GNAI3: variants seen among roughly 807,000 people sequenced by gnomAD.
The protein encoded by GNAI3 is G protein subunit alpha i3, also known as guanine nucleotide-binding protein G(i) subunit alpha-3.
GNAI3 carries 12 observed loss-of-function variants against 41.8 expected under a neutral mutation model. That is an observed-to-expected ratio of 0.29 (90% confidence interval 0.18 to 0.47). The LOEUF is 0.47. GNAI3 is among the 20% of genes least tolerant of loss of function. GNAI3 has a pLI of 1.00. For synonymous variants in GNAI3, 132 were observed against 146.5 expected (o/e 0.90, Z 0.71); for missense variants, 360 against 429.6 (o/e 0.84, Z 1.43).
At chr1:109,581,205 G>T (rs1438401654) in intron 4 of GNAI3, among the ~76,000 whole-genome samples, 1 of 151,812 alleles carries the variant, frequency 6.6e-6, no homozygotes, top group African/African-American at 2.4e-5. Flanking sequence ...ATACAGTTTT[G>T]AAGCAGTCTT....
At chr1:109,580,913 CAG>C (rs925367196) in intron 4 of GNAI3, among the ~76,000 whole-genome samples, 1 of 152,200 alleles carries the variant, frequency 6.6e-6, no homozygotes, top group Non-Finnish European at 1.5e-5. Flanking sequence ...AGAAACGTTT[CAG>C]GATTCTTGCC....
chr1:109,581,844 G>C (rs752753992), intron 4 of GNAI3, among the ~76,000 whole-genome samples: 32 of 152,014 alleles, frequency 2.1e-4, no homozygotes, highest in African/African-American at 7.7e-4. Flanking sequence ...AGCCGAGTTC[G>C]CACCACTGCA....
intron 1 of GNAI3, among the ~76,000 whole-genome samples, chr1:109,560,705 T>G (rs1352773514): frequency 6.6e-6 from 1 of 152,182 alleles, no homozygotes; most frequent in Non-Finnish European, 1.5e-5. Context: ...CATGCACCAC[T>G]ATGCTAGGCT....
chr1:109,549,762 C>T (rs1647933475), intron 1 of GNAI3, among the ~76,000 whole-genome samples: 1 of 152,186 alleles, frequency 6.6e-6, no homozygotes, highest in African/African-American at 2.4e-5. Context: ...TTTTTGGCCT[C>T]TTCAAAGCAA....
intron 6 of GNAI3, 116 bp downstream of exon 6, chr1:109,586,461 A>AT: frequency 1.9e-6 from 2 of 1,058,694 alleles, no homozygotes; most frequent in African/African-American, 1.6e-5. Flanking sequence ...AGTATCTTTA[A>AT]TTTTTTTGAT....
chr1:109,568,839 T>C (rs1405414660), intron 1 of GNAI3, among the ~76,000 whole-genome samples: 1 of 148,134 alleles, frequency 6.8e-6, no homozygotes, highest in African/African-American at 2.6e-5. Context: ...CCCAGCTAAT[T>C]TTTTGTGTTA....
chr1:109,553,953 G>A (rs1176187012), intron 1 of GNAI3, among the ~76,000 whole-genome samples: 1 of 152,142 alleles, frequency 6.6e-6, no homozygotes, highest in Admixed American at 6.5e-5. Context: ...GAGAACGTAC[G>A]ATGTTTGGTT....
chr1:109,548,857 G>T lies in GNAI3; in HGVS notation c.118+19G>T. ...CTACTCGGTGAGGGGCTGGAGGCGG[G>T]GACTGAGTGGTGGTCGGGAGAGCCT... On this transcript the variant is annotated intron_variant, in intron 1 of 8. Coordinates refer to ENST00000369851, the MANE Select transcript of GNAI3 (RefSeq NM_006496.4). 6.7e-7 allele frequency: 1 copy of T among 1,494,492 alleles called. No individual in the cohort carries two copies. The highest frequency in any genetic ancestry group is 9.3e-7 in the Non-Finnish European group (1 of 1,074,206). 92.6% of individuals were successfully genotyped at this position (1,494,492 alleles called of 1,614,324 possible).
At chr1:109,548,949 G>T in intron 1 of GNAI3, 111 bp downstream of exon 1, 1 of 676,298 alleles carries the variant, frequency 1.5e-6, no homozygotes, top group East Asian at 2.8e-5. Flanking sequence ...GGATCTGGAG[G>T]GCGTGCCGGG....
In GNAI3 at chr1:109,598,258, T is replaced by TGCTC. The variant is rs1162775044; in HGVS notation, c.*5937_*5940dup. On this transcript the variant is annotated 3_prime_UTR_variant, in exon 9 of 9. Transcript: ENST00000369851. ...AGAAATCACCTGTTCTGTTTATTCT[T>TGCTC]GCTCATGTAGGATAAAGGTCCTGAG... 3 of 152,248 alleles carry TGCTC rather than the reference T, an allele frequency of 2.0e-5. No individual in the cohort carries two copies. Among genetic ancestry groups the TGCTC allele is most frequent in the Non-Finnish European group, 4.4e-5 (3 of 68,048 alleles). The allele number at this position is 152,248 out of a possible 1,614,324, so 9.4% of individuals were successfully genotyped here. A position where few individuals can be genotyped will look rare whatever the true frequency, so the allele number is the denominator to read the frequency against.
intron 1 of GNAI3, among the ~76,000 whole-genome samples, chr1:109,571,336 A>C (rs115394162): frequency 0.024 from 3,583 of 152,336 alleles, 58 homozygotes; most frequent in Non-Finnish European, 0.033. Flanking sequence ...AAGATTAGAG[A>C]TCTAAATTTG....
chr1:109,598,757 C>G lies in GNAI3; in HGVS notation c.*6435C>G. On this transcript the variant is annotated 3_prime_UTR_variant, in exon 9 of 9. Transcript: ENST00000369851. Reference sequence around the variant, plus strand: ...TTCATGGCAAAAAGACAGAAAAGTTCCCTTCTGCAGTCTCCAGTGTCTTCT... The same window carrying G: ...TTCATGGCAAAAAGACAGAAAAGTTGCCTTCTGCAGTCTCCAGTGTCTTCT... 3.0e-6 allele frequency: 1 copy of G among 337,304 alleles called. No individual in the cohort carries two copies. Among genetic ancestry groups the G allele is most frequent in the South Asian group, 2.5e-5 (1 of 40,212 alleles). 20.9% of individuals were successfully genotyped at this position (337,304 alleles called of 1,614,324 possible). A position where few individuals can be genotyped will look rare whatever the true frequency, so the allele number is the denominator to read the frequency against.
At chr1:109,580,396 A>C (rs1446147572) in intron 4 of GNAI3, among the ~76,000 whole-genome samples, 2 of 152,084 alleles carry the variant, frequency 1.3e-5, no homozygotes, top group Non-Finnish European at 2.9e-5. Flanking sequence ...TAAGCATTAA[A>C]GTTTTTTCTC....
At chr1:109,577,552 A>G (rs1571157980) in intron 3 of GNAI3, among the ~76,000 whole-genome samples, 1 of 151,966 alleles carries the variant, frequency 6.6e-6, no homozygotes, top group South Asian at 2.1e-4. Flanking sequence ...TGGGATTACA[A>G]GTGTGAGCCA....
intron 1 of GNAI3, among the ~76,000 whole-genome samples, chr1:109,560,531 A>T (rs1380823398): frequency 2.0e-5 from 3 of 152,210 alleles, no homozygotes; most frequent in East Asian, 1.9e-4. Flanking sequence ...TTGAGGCCGG[A>T]GGACTAGCCT....
intron 3 of GNAI3, 128 bp downstream of exon 3, chr1:109,574,165 G>A (rs1217656166): frequency 3.2e-6 from 2 of 627,978 alleles, no homozygotes; most frequent in East Asian, 2.8e-5. Context: ...AAAGTACTTT[G>A]TGCTCACTTG....
At chr1:109,564,278 AT>A (rs1017449330) in intron 1 of GNAI3, among the ~76,000 whole-genome samples, 1 of 148,744 alleles carries the variant, frequency 6.7e-6, no homozygotes, top group East Asian at 2.0e-4. Flanking sequence ...TTATTTATTT[AT>A]TTTTTTTGCT....
At chr1:109,558,099 T>C (rs1457225034) in intron 1 of GNAI3, among the ~76,000 whole-genome samples, 3 of 152,096 alleles carry the variant, frequency 2.0e-5, no homozygotes, top group Non-Finnish European at 4.4e-5. Flanking sequence ...ATTACCATCT[T>C]GTATAGTTGG....
chr1:109,553,796 G>GCACCCAT (rs1648067904), intron 1 of GNAI3, among the ~76,000 whole-genome samples: 1 of 152,138 alleles, frequency 6.6e-6, no homozygotes, highest in South Asian at 2.1e-4. Context: ...AGATTTTGGT[G>GCACCCAT]CACCCATCAC....
Sources: gnomAD v4.1 joint callset for allele counts (sites outside exome capture counted in the v4.1 genomes callset) on GRCh38, gnomAD v4.1.1 for gene constraint, MANE v1.5 for transcripts, NCBI Gene and HGNC (gene_info 2026-07-23, HGNC 2026-07-21) for gene names.